The following CRPPA variants were observed in gnomAD, a reference collection of about 807,000 sequenced individuals.
The protein encoded by CRPPA is CDP-L-ribitol pyrophosphorylase A.
A neutral mutation model predicts 52.0 loss-of-function variants in CRPPA; 43 were observed. That is an observed-to-expected ratio of 0.83 (90% CI 0.65 to 1.07). The LOEUF (loss-of-function observed/expected upper bound fraction) is 1.07, where lower values mean the gene tolerates loss of function less well. CRPPA is among the 50% of genes least tolerant of loss of function. The pLI is 0.00. For synonymous variants in CRPPA, 250 were observed against 203.5 expected (o/e 1.23, Z -1.94); for missense variants, 629 against 551.7 (o/e 1.14, Z -1.40).
intron 9 of CRPPA, among the ~76,000 whole-genome samples, chr7:16,122,197 A>G (rs1433165740): frequency 6.6e-6 from 1 of 152,074 alleles, no homozygotes. Context: ...TCAAAAGGAA[A>G]AGAAGGGCTA....
At chr7:16,128,920 G>T (rs1782631183) in intron 9 of CRPPA, among the ~76,000 whole-genome samples, 1 of 152,084 alleles carries the variant, frequency 6.6e-6, no homozygotes, top group Non-Finnish European at 1.5e-5. Flanking sequence ...TTTACTTCAT[G>T]ATTAAATGCA....
intron 9 of CRPPA, among the ~76,000 whole-genome samples, chr7:16,194,326 G>A (rs946365109): frequency 6.6e-6 from 1 of 152,118 alleles, no homozygotes; most frequent in Non-Finnish European, 1.5e-5. Flanking sequence ...GCTCCCTTAT[G>A]ACCTGAAACC....
chr7:16,384,908 T>C (rs185235550), intron 2 of CRPPA, among the ~76,000 whole-genome samples: 1 of 152,302 alleles, frequency 6.6e-6, no homozygotes, highest in East Asian at 1.9e-4. Flanking sequence ...TCAGCTATTA[T>C]AAATACATTC....
At chr7:16,261,435 C>G (rs1221143159) in intron 6 of CRPPA, among the ~76,000 whole-genome samples, 5 of 151,918 alleles carry the variant, frequency 3.3e-5, no homozygotes, top group African/African-American at 1.2e-4. Context: ...AAATCTAAAA[C>G]GTTTATTAGA....
chr7:16,277,972 T>G (rs1784243952), intron 6 of CRPPA, among the ~76,000 whole-genome samples, 157 bp downstream of exon 6: 1 of 152,120 alleles, frequency 6.6e-6, no homozygotes, highest in South Asian at 2.1e-4. Flanking sequence ...ATGTTTCAGA[T>G]CCTAAGTGCT....
chr7:16,247,054 T>C (rs1300156263), intron 8 of CRPPA, among the ~76,000 whole-genome samples: 2 of 152,268 alleles, frequency 1.3e-5, no homozygotes, highest in African/African-American at 4.8e-5. Flanking sequence ...TCATTTAGCA[T>C]TGCTATGTTC....
intron 6 of CRPPA, among the ~76,000 whole-genome samples, chr7:16,259,918 A>G (rs953415860): frequency 6.6e-6 from 1 of 152,040 alleles, no homozygotes; most frequent in East Asian, 1.9e-4. Context: ...ATGAGAAAGG[A>G]AAGTTTTCAA....
chr7:16,394,230 A>G (rs1347617338), intron 2 of CRPPA, among the ~76,000 whole-genome samples: 1 of 152,200 alleles, frequency 6.6e-6, no homozygotes, highest in Non-Finnish European at 1.5e-5. Flanking sequence ...GCAAAAAATT[A>G]GAAAACAAAT....
intron 9 of CRPPA, among the ~76,000 whole-genome samples, chr7:16,195,653 G>C (rs1781714425): frequency 6.6e-6 from 1 of 152,064 alleles, no homozygotes; most frequent in Non-Finnish European, 1.5e-5. Context: ...CCAGGCTGTG[G>C]CTGCTCCATC....
chr7:16,149,342 T>C (rs1783031242), intron 9 of CRPPA, among the ~76,000 whole-genome samples: 1 of 152,182 alleles, frequency 6.6e-6, no homozygotes, highest in Admixed American at 6.5e-5. Flanking sequence ...CATTTTCACT[T>C]TATCCTGCCA....
At chr7:16,225,286 G>A (rs1782618102) in intron 8 of CRPPA, among the ~76,000 whole-genome samples, 1 of 151,900 alleles carries the variant, frequency 6.6e-6, no homozygotes, top group Non-Finnish European at 1.5e-5. Context: ...AGTATTTTAA[G>A]TCATAAAATA....
At chr7:16,320,507 T>C (rs1785239155) in intron 3 of CRPPA, among the ~76,000 whole-genome samples, 1 of 152,172 alleles carries the variant, frequency 6.6e-6, no homozygotes, top group African/African-American at 2.4e-5. Context: ...CTACAGATAA[T>C]CTGATTACCT....
At chr7:16,281,657 G>A (rs1164591349) in intron 5 of CRPPA, among the ~76,000 whole-genome samples, 1 of 152,186 alleles carries the variant, frequency 6.6e-6, no homozygotes, top group Non-Finnish European at 1.5e-5. Context: ...TCTAGAAAGT[G>A]TGCAAGATTG....
intron 3 of CRPPA, among the ~76,000 whole-genome samples, chr7:16,347,794 G>A (rs999803335): frequency 3.3e-5 from 5 of 152,108 alleles, no homozygotes; most frequent in Admixed American, 6.6e-5. Flanking sequence ...CCAGCACCCA[G>A]CTTCTCCCTG....
rs1554317852 is a variant in CRPPA, at chr7:16,303,491, A to AACAAAAAAAAC, written c.790-2026_790-2025insGTTTTTTTTGT. On this transcript the variant is annotated intron_variant, in intron 4 of 9. Coordinates refer to ENST00000407010, the MANE Select transcript of CRPPA (RefSeq NM_001101426.4). ...ACATAAAATAGTAAAAAAAAAAAAA[A>AACAAAAAAAAC]AAAAAAAAAAAACTTTCAGAACACA... Among the ~76,000 whole-genome samples the AACAAAAAAAAC allele has an allele frequency of 1.6e-5, 2 of 124,936 alleles. 1 individual carries two copies. The highest frequency in any genetic ancestry group is 4.9e-4 in the East Asian group (2 of 4,092). The allele number at this position is 124,936 out of a possible 152,430, so 82.0% of individuals were successfully genotyped here.
intron 1 of CRPPA, among the ~76,000 whole-genome samples, chr7:16,413,666 T>C (rs1562692353): frequency 6.6e-6 from 1 of 152,208 alleles, no homozygotes; most frequent in Non-Finnish European, 1.5e-5. Context: ...GCTGTGGTTT[T>C]CCAAAATCTA....
chr7:16,322,789 G>T (rs960692332), intron 3 of CRPPA, among the ~76,000 whole-genome samples: 2 of 152,040 alleles, frequency 1.3e-5, no homozygotes, highest in Non-Finnish European at 2.9e-5. Flanking sequence ...GTATCAGTCC[G>T]TTCTCATGCT....
chr7:16,369,228 C>G (rs1786685586), intron 3 of CRPPA, among the ~76,000 whole-genome samples: 1 of 152,154 alleles, frequency 6.6e-6, no homozygotes, highest in African/African-American at 2.4e-5. Flanking sequence ...GCTCCCAACA[C>G]TAAAGATTTC....
chr7:16,095,373 T>C (rs1254298620), intron 9 of CRPPA, among the ~76,000 whole-genome samples: 1 of 151,094 alleles, frequency 6.6e-6, no homozygotes, highest in African/African-American at 2.4e-5. Flanking sequence ...CAGCTCTCCA[T>C]TTTTTTCATC....
Sources: allele counts gnomAD v4.1 joint callset (sites outside exome capture counted in the v4.1 genomes callset), GRCh38; gene constraint gnomAD v4.1.1; transcripts MANE v1.5; gene names NCBI Gene and HGNC (gene_info 2026-07-23, HGNC 2026-07-21).